The following DNAJC1 variants were observed in gnomAD, a reference collection of about 807,000 sequenced individuals.
DNAJC1 encodes the protein DnaJ heat shock protein family (Hsp40) member C1.
In DNAJC1, 58 loss-of-function variants were observed where a neutral mutation model predicts 76.6. The observed-to-expected ratio is 0.76, with a 90% confidence interval of 0.61 to 0.94. DNAJC1 has a LOEUF of 0.94. DNAJC1 is among the 40% of genes least tolerant of loss of function. The pLI, the probability that DNAJC1 is intolerant of heterozygous loss-of-function variation, is 0.00. For synonymous variants in DNAJC1, 258 were observed against 267.9 expected (o/e 0.96, Z 0.36); for missense variants, 689 against 677.3 (o/e 1.02, Z -0.19).
intron 8 of DNAJC1, among the ~76,000 whole-genome samples, chr10:21,857,858 A>C (rs1224448152): frequency 1.3e-5 from 2 of 151,850 alleles, no homozygotes; most frequent in African/African-American, 2.4e-5. Context: ...CCGTCTCAAA[A>C]AAACAAACAA....
chr10:21,890,945 C>T (rs1836450527), intron 7 of DNAJC1, among the ~76,000 whole-genome samples: 1 of 152,142 alleles, frequency 6.6e-6, no homozygotes, highest in South Asian at 2.1e-4. Context: ...AATCCCAGCT[C>T]TTTGGGAGGC....
intron 1 of DNAJC1, among the ~76,000 whole-genome samples, chr10:21,960,671 CA>C (rs1837776513): frequency 6.6e-6 from 1 of 152,104 alleles, no homozygotes; most frequent in Non-Finnish European, 1.5e-5. Context: ...GCCCAGAGGA[CA>C]GAGGGAAGAC....
chr10:21,873,980 A>T (rs1243709441), intron 8 of DNAJC1, among the ~76,000 whole-genome samples: 3 of 152,250 alleles, frequency 2.0e-5, no homozygotes, highest in African/African-American at 7.2e-5. Flanking sequence ...GAGAAACCAC[A>T]AAACTATGTT....
chr10:21,971,466 A>T (rs976917899), intron 1 of DNAJC1, among the ~76,000 whole-genome samples: 1 of 151,824 alleles, frequency 6.6e-6, no homozygotes, highest in African/African-American at 2.4e-5. Context: ...TCCTATGAGA[A>T]ATCAAAAAAG....
intron 8 of DNAJC1, among the ~76,000 whole-genome samples, chr10:21,873,941 A>G (rs1485584698): frequency 6.6e-6 from 1 of 152,228 alleles, no homozygotes; most frequent in African/African-American, 2.4e-5. Context: ...GTAGACAGCT[A>G]TGAATTAAGA....
chr10:21,861,804 C>T (rs1332148556), intron 8 of DNAJC1, among the ~76,000 whole-genome samples: 7 of 152,140 alleles, frequency 4.6e-5, no homozygotes. Context: ...TAATCCACCC[C>T]TTGTTTAGCA....
chr10:21,813,530 G>A (rs1835025083), intron 8 of DNAJC1, among the ~76,000 whole-genome samples: 1 of 151,732 alleles, frequency 6.6e-6, no homozygotes, highest in Admixed American at 6.6e-5. Flanking sequence ...CGAGTAGCTG[G>A]GACTACAGGC....
At chr10:21,951,876 C>T (rs190077458) in intron 1 of DNAJC1, among the ~76,000 whole-genome samples, 1 of 152,156 alleles carries the variant, frequency 6.6e-6, no homozygotes, top group East Asian at 1.9e-4. Flanking sequence ...AATGCTTGAA[C>T]ATTTATGTGA....
At chr10:21,961,798 A>G (rs146296902) in intron 1 of DNAJC1, among the ~76,000 whole-genome samples, 1 of 152,236 alleles carries the variant, frequency 6.6e-6, no homozygotes, top group East Asian at 1.9e-4. Flanking sequence ...ACATCCTCCA[A>G]AGTCTTTTAA....
At chr10:21,943,631 T>C (rs933733666) in intron 1 of DNAJC1, among the ~76,000 whole-genome samples, 18 of 152,190 alleles carry the variant, frequency 1.2e-4, no homozygotes, top group African/African-American at 3.9e-4. Flanking sequence ...AGAGCTCCAG[T>C]TGCCTTTACA....
intron 8 of DNAJC1, among the ~76,000 whole-genome samples, chr10:21,847,536 ATTCT>A (rs1434611149): frequency 2.6e-5 from 4 of 152,070 alleles, no homozygotes; most frequent in Non-Finnish European, 4.4e-5. Context: ...ACTAGAACTT[ATTCT>A]TTCTAACTGT....
Position 21,847,562 on chromosome 10 carries a change from C to T in DNAJC1, c.978+34720G>A, listed in dbSNP as rs76057271. Among the ~76,000 whole-genome samples, 907 of 152,160 alleles carry T rather than the reference C, an allele frequency of 6.0e-3. 9 individuals are homozygous for T. The highest frequency in any genetic ancestry group is 0.02 in the African/African-American group (820 of 41,540). ...TTCTTTCTAACTGTATTTTTGCAAC[C>T]GCTAACCAGCCTCTCTTCATCATCC... On this transcript the variant is annotated intron_variant, in intron 8 of 11. Coordinates refer to ENST00000376980, the MANE Select transcript of DNAJC1 (RefSeq NM_022365.4).
rs755689984 is a variant in DNAJC1 at position 21,759,395 on chromosome 10, C to T, written c.1371G>A (p.Pro457=). The T allele has an allele frequency of 5.3e-5, 86 of 1,614,054 alleles. No individual in the cohort carries two copies. The highest frequency in any genetic ancestry group is 1.2e-4 in the Admixed American group (7 of 60,010). ...PARLLEATAK[P]EPEEKSRAKR... is the part of the protein sequence containing the mutation. The stretch of plus-strand genomic sequence containing the variant: ...TGGCTCTGGACTTCTCCTCTGGCTC[C>T]GGCTTCGCTGTAGCCTCCAGCAGCC... The change falls in exon 11 of 12, where the codon CCG becomes CCA. Residue 457 remains proline (P), a synonymous_variant. Transcript: ENST00000376980.
intron 6 of DNAJC1, among the ~76,000 whole-genome samples, chr10:21,915,137 T>G (rs983500234): frequency 6.6e-6 from 1 of 152,196 alleles, no homozygotes; most frequent in African/African-American, 2.4e-5. Flanking sequence ...AAAGACATCT[T>G]AAGAATCAAA....
intron 9 of DNAJC1, among the ~76,000 whole-genome samples, chr10:21,793,683 C>A (rs1217858512): frequency 2.0e-5 from 3 of 152,204 alleles, no homozygotes; most frequent in Non-Finnish European, 4.4e-5. Context: ...CAGTGGCTCA[C>A]ATCTGTAATC....
At chr10:21,928,595 A>G (rs766266314) in intron 2 of DNAJC1, 43 bp from the exon 3 acceptor site, 7 of 1,515,528 alleles carry the variant, frequency 4.6e-6, no homozygotes, top group Non-Finnish European at 4.6e-6. Context: ...ACTCTCAACT[A>G]TAAGAAATCA....
intron 8 of DNAJC1, among the ~76,000 whole-genome samples, chr10:21,830,371 A>T (rs2131667426): frequency 6.6e-6 from 1 of 152,308 alleles, no homozygotes; most frequent in East Asian, 1.9e-4. Context: ...ACAATACATA[A>T]AATGCTAAGT....
At chr10:21,904,951 T>G (rs1242167035) in intron 6 of DNAJC1, among the ~76,000 whole-genome samples, 1 of 152,180 alleles carries the variant, frequency 6.6e-6, no homozygotes, top group Admixed American at 6.6e-5. Context: ...TGAACTGATT[T>G]GGCACAGTAA....
chr10:21,781,834 T>C (rs190001997), intron 9 of DNAJC1, among the ~76,000 whole-genome samples: 14 of 151,880 alleles, frequency 9.2e-5, no homozygotes, highest in Admixed American at 8.5e-4. Flanking sequence ...GAAATAAGTA[T>C]GTTCTTTGAA....
Sources: gnomAD v4.1 joint callset for allele counts (sites outside exome capture counted in the v4.1 genomes callset) on GRCh38, gnomAD v4.1.1 for gene constraint, MANE v1.5 for transcripts, NCBI Gene and HGNC (gene_info 2026-07-23, HGNC 2026-07-21) for gene names.